GSG1L: variants seen among roughly 807,000 people sequenced by gnomAD.
GSG1L encodes the protein GSG1 like.
In GSG1L, 24 loss-of-function variants were observed where a neutral mutation model predicts 42.1. The ratio of observed to expected loss-of-function variants is 0.57; its 90% CI spans 0.41 to 0.80. GSG1L has a LOEUF of 0.80. Ranked by LOEUF, GSG1L falls within the 30% of genes least tolerant of loss-of-function variation. The pLI is 0.00. For missense variants in GSG1L, 445 were observed against 472.2 expected (o/e 0.94, Z 0.53); for synonymous variants, 215 against 203.5 (o/e 1.06, Z -0.48).
chr16:27,909,241 T>C (rs76375291), intron 2 of GSG1L, among the ~76,000 whole-genome samples: 1 of 152,114 alleles, frequency 6.6e-6, no homozygotes, highest in African/African-American at 2.4e-5. Context: ...TTGTGAGACT[T>C]TGGGCCCCAG....
intron 6 of GSG1L, among the ~76,000 whole-genome samples, chr16:27,806,188 A>T (rs28576769): frequency 0.41 from 62,570 of 151,882 alleles, 13,210 homozygotes; most frequent in African/African-American, 0.48. Flanking sequence ...ACAGACATGA[A>T]ACCATGATGT....
intron 1 of GSG1L, among the ~76,000 whole-genome samples, chr16:28,002,236 G>C (rs536573248): frequency 3.8e-4 from 58 of 152,332 alleles, no homozygotes; most frequent in Admixed American, 2.3e-3. Flanking sequence ...AACAGGGTGA[G>C]CGAGGCTTCT....
intron 2 of GSG1L, among the ~76,000 whole-genome samples, chr16:27,912,514 C>T (rs894868408): frequency 1.3e-5 from 2 of 152,152 alleles, no homozygotes; most frequent in Non-Finnish European, 2.9e-5. Context: ...AAGACCCTGT[C>T]TCAAAACCAA....
intron 5 of GSG1L, among the ~76,000 whole-genome samples, chr16:27,826,100 A>G (rs1009366069): frequency 6.6e-6 from 1 of 152,114 alleles, no homozygotes; most frequent in African/African-American, 2.4e-5. Flanking sequence ...GTGTGTTTAG[A>G]CCCAGTGATT....
chr16:28,014,283 C>A (rs956551783), intron 1 of GSG1L, among the ~76,000 whole-genome samples: 1 of 152,200 alleles, frequency 6.6e-6, no homozygotes, highest in Non-Finnish European at 1.5e-5. Context: ...GGAGGACATA[C>A]TAATAAACAG....
At chr16:27,924,701 A>G (rs1484688257) in intron 2 of GSG1L, among the ~76,000 whole-genome samples, 1 of 152,232 alleles carries the variant, frequency 6.6e-6, no homozygotes, top group Non-Finnish European at 1.5e-5. Context: ...TATCACACAC[A>G]AAAGAAAACT....
chr16:27,840,183 C>T (rs1013851095), intron 4 of GSG1L, among the ~76,000 whole-genome samples: 4 of 152,108 alleles, frequency 2.6e-5, no homozygotes, highest in East Asian at 1.9e-4. Flanking sequence ...GTGTGCACCA[C>T]CACAGCCAGC....
chr16:27,993,505 A>C (rs1195727419), intron 1 of GSG1L, among the ~76,000 whole-genome samples: 6 of 152,050 alleles, frequency 3.9e-5, no homozygotes, highest in Non-Finnish European at 7.4e-5. Context: ...GTTCTATTGC[A>C]CTCCAGACAG....
intron 1 of GSG1L, among the ~76,000 whole-genome samples, chr16:28,011,499 CA>C (rs147369005): frequency 9.9e-4 from 151 of 152,352 alleles, no homozygotes; most frequent in African/African-American, 3.3e-3. Context: ...AAGAGGCAGA[CA>C]TGGTCCAGAT....
chr16:27,883,640 A>T (rs2083989806), intron 3 of GSG1L, among the ~76,000 whole-genome samples: 1 of 152,210 alleles, frequency 6.6e-6, no homozygotes, highest in Non-Finnish European at 1.5e-5. Context: ...GATTAAATTT[A>T]TAGAAATTCA....
chr16:27,992,812 C>T (rs2085470102), intron 1 of GSG1L, among the ~76,000 whole-genome samples: 1 of 152,100 alleles, frequency 6.6e-6, no homozygotes. Flanking sequence ...GAAACCATGG[C>T]CCAGGGAGGG....
intron 2 of GSG1L, among the ~76,000 whole-genome samples, chr16:27,939,187 T>C (rs956215735): frequency 6.6e-6 from 1 of 152,010 alleles, no homozygotes; most frequent in Non-Finnish European, 1.5e-5. Flanking sequence ...AGTGGTGTGA[T>C]CATAGTTCAC....
At chr16:27,815,817 C>CA (rs1337273390) in intron 5 of GSG1L, among the ~76,000 whole-genome samples, 3 of 151,820 alleles carry the variant, frequency 2.0e-5, no homozygotes, top group East Asian at 1.9e-4. Context: ...AAAAACAAAA[C>CA]AAAAAAAATT....
chr16:28,057,445 G>A (rs1156494365), intron 1 of GSG1L, among the ~76,000 whole-genome samples: 1 of 152,178 alleles, frequency 6.6e-6, no homozygotes. Context: ...GGGGGGCACC[G>A]TGGATTCCCC....
At chr16:27,908,887 G>A (rs1018667039) in intron 2 of GSG1L, among the ~76,000 whole-genome samples, 1 of 152,126 alleles carries the variant, frequency 6.6e-6, no homozygotes, top group African/African-American at 2.4e-5. Context: ...ATCCCACTGA[G>A]GGCTTCAGTA....
chr16:27,940,951 A>C (rs2084786366), intron 2 of GSG1L, among the ~76,000 whole-genome samples: 1 of 152,140 alleles, frequency 6.6e-6, no homozygotes, highest in South Asian at 2.1e-4. Flanking sequence ...TAGCTGCTTT[A>C]AAATTAAGTA....
chr16:27,868,217 G>A (rs2083757104), intron 3 of GSG1L, among the ~76,000 whole-genome samples: 1 of 152,218 alleles, frequency 6.6e-6, no homozygotes, highest in Non-Finnish European at 1.5e-5. Context: ...AGCCGGGAAG[G>A]GGAAAATGAC....
chr16:28,054,426 G>A (rs2086257179), intron 1 of GSG1L, among the ~76,000 whole-genome samples: 1 of 152,004 alleles, frequency 6.6e-6, no homozygotes, highest in Non-Finnish European at 1.5e-5. Flanking sequence ...GTCAGGAATT[G>A]GAGACCAGCC....
rs1674850518 is a variant in GSG1L, at chr16:27,947,569, G to GAAAGAAAGAAAT, written c.397+15586_397+15587insATTTCTTTCTTT. On this transcript the variant is annotated intron_variant, in intron 2 of 6. Coordinates refer to ENST00000447459, the MANE Select transcript of GSG1L (RefSeq NM_001109763.2). ...AGAAAGAAAGAAAGAAAGAAAGAAA[G>GAAAGAAAGAAAT]AAAGAAAGAAAGAAAGAAAGAAAGA... is the stretch of plus-strand genomic sequence containing the variant. Among the ~76,000 whole-genome samples, 15 of 94,090 alleles carry GAAAGAAAGAAAT rather than the reference G, an allele frequency of 1.6e-4. No individual in the cohort carries two copies. The East Asian group carries it at 3.9e-3, about 24-fold the overall frequency. 61.7% of individuals were successfully genotyped at this position (94,090 alleles called of 152,430 possible).
Sources: gnomAD v4.1 joint callset for allele counts (sites outside exome capture counted in the v4.1 genomes callset) on GRCh38, gnomAD v4.1.1 for gene constraint, MANE v1.5 for transcripts, NCBI Gene and HGNC (gene_info 2026-07-23, HGNC 2026-07-21) for gene names.